Variants in DGKB observed in about 807,000 individuals in gnomAD.
The protein encoded by DGKB is diacylglycerol kinase beta, also known as 90 kDa diacylglycerol kinase.
DGKB carries 67 observed loss-of-function variants against 114.3 expected under a neutral mutation model. The ratio of observed to expected loss-of-function variants is 0.59; its 90% confidence interval spans 0.48 to 0.72. The LOEUF is 0.72. Among genes scored for constraint, DGKB ranks in the 30% least tolerant of loss-of-function variants. The pLI, the probability that DGKB is intolerant of heterozygous loss-of-function variation, is 0.00. For synonymous variants in DGKB, 398 were observed against 323.1 expected (o/e 1.23, Z -2.49); for missense variants, 907 against 975.2 (o/e 0.93, Z 0.93).
chr7:14,777,732 T>C (rs998266554), intron 2 of DGKB, among the ~76,000 whole-genome samples: 2 of 152,198 alleles, frequency 1.3e-5, no homozygotes, highest in East Asian at 1.9e-4. Context: ...AGTGTGACAA[T>C]GGACTAATAC....
chr7:14,459,951 C>A (rs1832829471), intron 21 of DGKB, among the ~76,000 whole-genome samples: 1 of 152,110 alleles, frequency 6.6e-6, no homozygotes, highest in African/African-American at 2.4e-5. Flanking sequence ...AATCAACATT[C>A]TTAAAGAAAT....
At chr7:14,713,484 T>G (rs1827694702) in intron 6 of DGKB, among the ~76,000 whole-genome samples, 1 of 152,064 alleles carries the variant, frequency 6.6e-6, no homozygotes, top group Non-Finnish European at 1.5e-5. Flanking sequence ...AGAGAGATTT[T>G]CGCCTTTTAT....
At chr7:14,742,101 C>A (rs568149491) in intron 4 of DGKB, among the ~76,000 whole-genome samples, 2 of 152,054 alleles carry the variant, frequency 1.3e-5, no homozygotes, top group African/African-American at 4.8e-5. Context: ...ATAATGTATT[C>A]CATTTTTGGA....
At position 14,263,958 on chromosome 7, in the gene DGKB, GA is replaced by G. The variant is rs931355886; in HGVS notation, c.2122+74556del. On this transcript the variant is annotated intron_variant, in intron 23 of 25. Coordinates refer to ENST00000402815, the MANE Select transcript of DGKB (RefSeq NM_001350709.2). ...TGTATGAGCAGAGTCCTGGCATTTA[GA>G]AAAAAATCTTTTGCGGAAATATCAA... 3.9e-5 allele frequency among the ~76,000 whole-genome samples: 6 copies of G among 152,150 alleles called. No individual in the cohort carries two copies. In the East Asian group the frequency reaches 1.2e-3, roughly 29 times the overall value.
chr7:14,338,488 T>A, intron 23 of DGKB, 27 bp downstream of exon 23: 1 of 1,454,428 alleles, frequency 6.9e-7, no homozygotes, highest in Non-Finnish European at 9.2e-7. Context: ...AACAAGCAAT[T>A]TAACAACTAA....
At chr7:14,743,633 G>A (rs1832868584) in intron 4 of DGKB, among the ~76,000 whole-genome samples, 1 of 151,956 alleles carries the variant, frequency 6.6e-6, no homozygotes, top group African/African-American at 2.4e-5. Context: ...TTTTCTTCAG[G>A]TTATATTTTA....
At chr7:14,295,802 C>T (rs1168945108) in intron 23 of DGKB, among the ~76,000 whole-genome samples, 1 of 151,980 alleles carries the variant, frequency 6.6e-6, no homozygotes, top group Non-Finnish European at 1.5e-5. Flanking sequence ...GTTTGCTGCA[C>T]CCATTAACCC....
intron 8 of DGKB, among the ~76,000 whole-genome samples, chr7:14,695,090 G>A (rs1339684765): frequency 1.3e-5 from 2 of 152,158 alleles, no homozygotes; most frequent in Non-Finnish European, 2.9e-5. Context: ...GATTGGAAAA[G>A]ATGCAATGCA....
intron 4 of DGKB, among the ~76,000 whole-genome samples, chr7:14,737,107 T>C (rs557697212): frequency 6.6e-6 from 1 of 152,208 alleles, no homozygotes; most frequent in South Asian, 2.1e-4. Context: ...GAGTATTTTC[T>C]GGGAAACAGA....
chr7:14,865,331 G>T (rs565461985), intron 1 of DGKB, among the ~76,000 whole-genome samples: 1 of 152,258 alleles, frequency 6.6e-6, no homozygotes, highest in South Asian at 2.1e-4. Context: ...TCATAGGAAT[G>T]AAGCAAGTAG....
rs577899963 is a variant in DGKB at position 14,236,292 on chromosome 7, T to A, written c.2123-58141A>T. ...CAGCTTATCACTTTTGAAATAAGCA[T>A]GGAAGGCAGAACAATTTTCATAGAA... On this transcript the variant is annotated intron_variant, in intron 23 of 25. Coordinates refer to ENST00000402815, the MANE Select transcript of DGKB (RefSeq NM_001350709.2). 2.0e-4 allele frequency among the ~76,000 whole-genome samples: 30 copies of A among 151,908 alleles called. No homozygotes were observed. In the South Asian group the frequency reaches 5.6e-3, roughly 28 times the overall value.
chr7:14,523,986 G>A (rs765949189), intron 20 of DGKB, among the ~76,000 whole-genome samples: 5 of 152,084 alleles, frequency 3.3e-5, no homozygotes, highest in Non-Finnish European at 7.4e-5. Context: ...TGCTAATACT[G>A]CTCATTGCTG....
chr7:14,192,046 T>G (rs1784391230), intron 23 of DGKB: 1 of 464,990 alleles, frequency 2.2e-6, no homozygotes, highest in South Asian at 1.6e-5. Flanking sequence ...ATTTGTTCTA[T>G]GAGACAGATA....
intron 20 of DGKB, among the ~76,000 whole-genome samples, chr7:14,501,341 CAGG>C (rs895268548): frequency 1.3e-5 from 2 of 151,270 alleles, no homozygotes; most frequent in African/African-American, 4.9e-5. Flanking sequence ...GAAATATCAT[CAGG>C]AGGAGGTATA....
chr7:14,702,134 C>G (rs1190490562), intron 6 of DGKB, among the ~76,000 whole-genome samples: 1 of 152,156 alleles, frequency 6.6e-6, no homozygotes, highest in Non-Finnish European at 1.5e-5. Context: ...TTGAAATCCA[C>G]TATTCACAAT....
intron 13 of DGKB, among the ~76,000 whole-genome samples, chr7:14,661,122 A>T (rs1177805329): frequency 6.6e-6 from 1 of 152,108 alleles, no homozygotes; most frequent in East Asian, 1.9e-4. Context: ...CCTAGGCTTT[A>T]CCATTCGGGA....
intron 23 of DGKB, among the ~76,000 whole-genome samples, chr7:14,220,282 T>C (rs1789713950): frequency 6.6e-6 from 1 of 151,614 alleles, no homozygotes; most frequent in Non-Finnish European, 1.5e-5. Context: ...ACTAAAGCAT[T>C]GTTAATGTGG....
intron 21 of DGKB, among the ~76,000 whole-genome samples, chr7:14,453,960 C>T (rs1400519067): frequency 1.3e-5 from 2 of 151,996 alleles, no homozygotes; most frequent in Non-Finnish European, 2.9e-5. Flanking sequence ...GAAGGGAGTA[C>T]AATTAAGGGT....
intron 1 of DGKB, among the ~76,000 whole-genome samples, chr7:14,850,282 TTGTGA>T (rs1467555338): frequency 6.6e-6 from 1 of 152,076 alleles, no homozygotes; most frequent in Non-Finnish European, 1.5e-5. Flanking sequence ...GAGAGTATGA[TTGTGA>T]GAAGCAGAGA....
Sources: allele counts gnomAD v4.1 joint callset (sites outside exome capture counted in the v4.1 genomes callset), GRCh38; gene constraint gnomAD v4.1.1; transcripts MANE v1.5; gene names NCBI Gene and HGNC (gene_info 2026-07-23, HGNC 2026-07-21).